Variants in NDUFA12 observed in about 807,000 individuals in gnomAD.
NDUFA12 encodes NADH:ubiquinone oxidoreductase subunit A12.
A neutral mutation model predicts 20.3 loss-of-function variants in NDUFA12; 17 were observed. The ratio of observed to expected loss-of-function variants is 0.84; its 90% CI spans 0.57 to 1.26. NDUFA12 has a LOEUF of 1.26. Among genes scored for constraint, NDUFA12 ranks in the 50% most tolerant of loss-of-function variants. The probability of loss-of-function intolerance (pLI) is 0.00; values close to 1 mark genes in which losing one functional copy is unlikely to be tolerated. For synonymous variants in NDUFA12, 72 were observed against 63.6 expected (o/e 1.13, Z -0.63); for missense variants, 191 against 183.7 (o/e 1.04, Z -0.23).
chr12:94,989,396 T>C (rs562490283), intron 3 of NDUFA12, among the ~76,000 whole-genome samples: 15 of 152,338 alleles, frequency 9.8e-5, no homozygotes, highest in African/African-American at 3.4e-4. Context: ...CTACACGTGA[T>C]AATACCTAGC....
chr12:95,002,676 A>G, intron 2 of NDUFA12, 63 bp downstream of exon 2: 7 of 1,221,666 alleles, frequency 5.7e-6, no homozygotes, highest in Non-Finnish European at 8.5e-6. Flanking sequence ...TAATATGGAA[A>G]ATAGACTCAA....
intron 2 of NDUFA12, among the ~76,000 whole-genome samples, chr12:94,998,670 C>T (rs1352314845): frequency 2.0e-5 from 3 of 152,152 alleles, no homozygotes; most frequent in African/African-American, 7.2e-5. Flanking sequence ...ATCAGTAGCA[C>T]AGCTATACAC....
At chr12:94,983,238 G>C (rs1874301267) in intron 3 of NDUFA12, among the ~76,000 whole-genome samples, 1 of 152,008 alleles carries the variant, frequency 6.6e-6, no homozygotes, top group African/African-American at 2.4e-5. Flanking sequence ...CCTCTAAGAG[G>C]GCCTCCAACG....
chr12:94,993,664 G>A lies in NDUFA12; in HGVS notation c.257+506C>T, dbSNP rs569192780. ...AAAAAAAAAAAAAAAGCCAGGCACG[G>A]TGGCTCATGCCTGTAATCCCAGCAC... On this transcript the variant is annotated intron_variant, in intron 3 of 3. Coordinates refer to ENST00000327772, the MANE Select transcript of NDUFA12 (RefSeq NM_018838.5). Among the ~76,000 whole-genome samples, 98 of 124,404 alleles carry A rather than the reference G, an allele frequency of 7.9e-4. No homozygotes were observed. The South Asian group carries it at 0.015, about 19-fold the overall frequency. The allele number at this position is 124,404 out of a possible 152,430, so 81.6% of individuals were successfully genotyped here. A position where few individuals can be genotyped will look rare whatever the true frequency, so the allele number is the denominator to read the frequency against.
chr12:94,985,387 G>A (rs2136064565), intron 3 of NDUFA12, among the ~76,000 whole-genome samples: 1 of 152,124 alleles, frequency 6.6e-6, no homozygotes, highest in South Asian at 2.1e-4. Flanking sequence ...CACGTTGGGA[G>A]GCCGAGGTGG....
intron 3 of NDUFA12, among the ~76,000 whole-genome samples, chr12:94,986,669 G>A (rs142517625): frequency 0.011 from 1,698 of 152,024 alleles, 28 homozygotes; most frequent in African/African-American, 0.039. Context: ...ATGCACCCCT[G>A]TAGTCCCAGC....
chr12:94,991,911 T>A (rs950740433), intron 3 of NDUFA12, among the ~76,000 whole-genome samples: 1 of 152,140 alleles, frequency 6.6e-6, no homozygotes, highest in Admixed American at 6.6e-5. Context: ...CTCCACTACG[T>A]CCTATTGTTT....
chr12:94,991,666 G>A (rs1343297854), intron 3 of NDUFA12, among the ~76,000 whole-genome samples: 2 of 150,616 alleles, frequency 1.3e-5, no homozygotes, highest in South Asian at 2.1e-4. Context: ...GGCGGAAGTT[G>A]CAGTGAGCCA....
chr12:94,971,719 G>A, intron 3 of NDUFA12, 99 bp from the exon 4 acceptor site: 1 of 1,354,408 alleles, frequency 7.4e-7, no homozygotes, highest in Non-Finnish European at 1.1e-6. Flanking sequence ...TGTTGCTTGG[G>A]TTCAAGCCTC....
chr12:94,994,942 GTTTC>G (rs757869969), intron 2 of NDUFA12, among the ~76,000 whole-genome samples: 10 of 152,116 alleles, frequency 6.6e-5, no homozygotes, highest in Non-Finnish European at 1.3e-4. Flanking sequence ...ATGAGCCTCA[GTTTC>G]TTTATCTAGT....
At chr12:94,976,699 G>A (rs913262367) in intron 3 of NDUFA12, among the ~76,000 whole-genome samples, 1 of 152,194 alleles carries the variant, frequency 6.6e-6, no homozygotes, top group Non-Finnish European at 1.5e-5. Flanking sequence ...AAGGTCAAAT[G>A]TGTATCAAAA....
intron 1 of NDUFA12, among the ~76,000 whole-genome samples, chr12:95,003,252 C>T (rs1227511668): frequency 6.6e-6 from 1 of 152,202 alleles, no homozygotes; most frequent in Non-Finnish European, 1.5e-5. Flanking sequence ...CCTTCAACGC[C>T]TTACAGACAA....
At chr12:94,971,664 C>T (rs1484652583) in intron 3 of NDUFA12, 44 bp from the exon 4 acceptor site, 7 of 1,605,484 alleles carry the variant, frequency 4.4e-6, no homozygotes, top group Middle Eastern at 3.3e-4. Flanking sequence ...AGAGGCAGTA[C>T]AGCATAGTGG....
At chr12:94,993,442 C>T (rs1364699564) in intron 3 of NDUFA12, among the ~76,000 whole-genome samples, 2 of 149,780 alleles carry the variant, frequency 1.3e-5, no homozygotes, top group East Asian at 2.0e-4. Context: ...CTGGCCAAAA[C>T]GGTGAAACCC....
At chr12:94,972,301 A>G in intron 3 of NDUFA12, 1 of 272,664 alleles carries the variant, frequency 3.7e-6, no homozygotes, top group South Asian at 3.4e-5. Context: ...TCTAAGAAAG[A>G]AAAGATGCTA....
At chr12:95,002,498 A>AAACTG (rs1173780563) in intron 2 of NDUFA12, among the ~76,000 whole-genome samples, 1 of 151,866 alleles carries the variant, frequency 6.6e-6, no homozygotes, top group Non-Finnish European at 1.5e-5. Flanking sequence ...ATAGGTGAAA[A>AAACTG]ATATATAACA....
intron 3 of NDUFA12, chr12:94,972,257 A>C (rs747693239): frequency 7.0e-6 from 2 of 287,520 alleles, no homozygotes; most frequent in Non-Finnish European, 1.4e-5. Flanking sequence ...ATCTGACACT[A>C]TCCATTTTCA....
At chr12:94,980,118 G>A (rs557166572) in intron 3 of NDUFA12, among the ~76,000 whole-genome samples, 4 of 152,172 alleles carry the variant, frequency 2.6e-5, no homozygotes, top group Admixed American at 2.6e-4. Context: ...TACCTTGCTA[G>A]CTACTTACCT....
rs567020424 is a variant in NDUFA12 at position 94,994,834 on chromosome 12, G to T, written c.170-577C>A. On this transcript the variant is annotated intron_variant, in intron 2 of 3. Coordinates refer to ENST00000327772, the MANE Select transcript of NDUFA12 (RefSeq NM_018838.5). Reference sequence around the variant, plus strand: ...TTTAGGAAATTTCTGTGCACTAGTTGAGGGGCCTAACCACTACTTATTTAC... The same window carrying T: ...TTTAGGAAATTTCTGTGCACTAGTTTAGGGGCCTAACCACTACTTATTTAC... Among the ~76,000 whole-genome samples, 125 of 152,324 alleles carry T rather than the reference G, an allele frequency of 8.2e-4. 1 individual carries two copies. The highest frequency in any genetic ancestry group is 3.1e-3 in the South Asian group (15 of 4,832).
Sources: gnomAD v4.1 joint callset for allele counts (sites outside exome capture counted in the v4.1 genomes callset) on GRCh38, gnomAD v4.1.1 for gene constraint, MANE v1.5 for transcripts, NCBI Gene and HGNC (gene_info 2026-07-23, HGNC 2026-07-21) for gene names.